Variants in NFIX observed in about 807,000 individuals in gnomAD.
The protein encoded by NFIX is nuclear factor 1 X-type.
NFIX carries 2 observed loss-of-function variants against 53.3 expected under a neutral mutation model. The ratio of observed to expected loss-of-function variants is 0.04; its 90% confidence interval spans 0.02 to 0.12. The LOEUF (loss-of-function observed/expected upper bound fraction) is 0.12, where lower values mean the gene tolerates loss of function less well. Among genes scored for constraint, NFIX ranks in the 10% least tolerant of loss-of-function variants. The probability of loss-of-function intolerance (pLI) is 1.00; values close to 1 mark genes in which losing one functional copy is unlikely to be tolerated. For missense variants in NFIX, 310 were observed against 674.5 expected (o/e 0.46, Z 5.99); for synonymous variants, 244 against 289.0 (o/e 0.84, Z 1.58).
In NFIX at chr19:13,084,646, A is replaced by G. The variant is rs188628860; in HGVS notation, c.1254+2791A>G. Reference sequence around the variant, plus strand: ...TTCAGGGAGAAGGAAGAGACTGCCAAGTGAACATGATGGAGAAATCACAGG... The same window carrying G: ...TTCAGGGAGAAGGAAGAGACTGCCAGGTGAACATGATGGAGAAATCACAGG... On this transcript the variant is annotated intron_variant, in intron 8 of 10. Coordinates refer to ENST00000592199, the MANE Select transcript of NFIX (RefSeq NM_001365902.3). 4.6e-5 allele frequency among the ~76,000 whole-genome samples: 7 copies of G among 152,236 alleles called. No individual in the cohort carries two copies. In the East Asian group the frequency reaches 1.2e-3, roughly 25 times the overall value.
chr19:13,019,404 G>A (rs1379769898), intron 1 of NFIX, among the ~76,000 whole-genome samples: 2 of 152,156 alleles, frequency 1.3e-5, no homozygotes, highest in African/African-American at 4.8e-5. Context: ...TCATGGAGAA[G>A]CAGTCATTTT....
At chr19:13,038,726 A>G (rs2014391375) in intron 2 of NFIX, among the ~76,000 whole-genome samples, 2 of 152,206 alleles carry the variant, frequency 1.3e-5, no homozygotes, top group South Asian at 2.1e-4. Flanking sequence ...GACCACATGC[A>G]TAGCGTGGCC....
At chr19:12,999,137 G>T (rs1187345962) in intron 1 of NFIX, among the ~76,000 whole-genome samples, 1 of 151,760 alleles carries the variant, frequency 6.6e-6, no homozygotes, top group East Asian at 1.9e-4. Flanking sequence ...TAATGCAGTT[G>T]GCTCGCTCAG....
rs2018555788 is a variant in NFIX at position 13,097,875 on chromosome 19, CG to C, written c.*3230del. The C allele has an allele frequency of 6.6e-6, 1 of 152,520 alleles. No individual in the cohort carries two copies. The allele number at this position is 152,520 out of a possible 1,614,324, so 9.4% of individuals were successfully genotyped here. ...CTCTCATCCTATCCCCGACCCCCTCCGGGGAACACCGGGAAGGCTCGACGCT... is the reference window on the plus strand; with the variant it reads ...CTCTCATCCTATCCCCGACCCCCTCCGGGAACACCGGGAAGGCTCGACGCT... On this transcript the variant is annotated 3_prime_UTR_variant, in exon 11 of 11. Transcript: ENST00000592199.
intron 2 of NFIX, among the ~76,000 whole-genome samples, chr19:13,065,136 TG>T (rs1269440621): frequency 6.6e-6 from 1 of 152,036 alleles, no homozygotes; most frequent in Non-Finnish European, 1.5e-5. Flanking sequence ...CCCTCTGTGC[TG>T]GGGCAAGGCC....
intron 2 of NFIX, among the ~76,000 whole-genome samples, chr19:13,050,184 T>C (rs1271307488): frequency 1.3e-5 from 2 of 152,252 alleles, no homozygotes; most frequent in African/African-American, 4.8e-5. Flanking sequence ...GGGCCCCTGC[T>C]GACCCTTCCA....
At position 13,031,495 on chromosome 19, in the gene NFIX, A is replaced by C. The variant is rs190567762; in HGVS notation, c.559+5943A>C. Among the ~76,000 whole-genome samples the C allele has an allele frequency of 6.4e-4, 98 of 152,312 alleles. No individual in the cohort carries two copies. The South Asian group carries it at 7.9e-3, about 12-fold the overall frequency. ...TTTTGGCGCTTCCAAAGCATGGTAGAATTCCCTTTATCCATGAAATGCACA... is the reference window on the plus strand; with the variant it reads ...TTTTGGCGCTTCCAAAGCATGGTAGCATTCCCTTTATCCATGAAATGCACA... On this transcript the variant is annotated intron_variant, in intron 2 of 10. Transcript: ENST00000592199.
chr19:13,087,885 C>T (rs573919061), intron 8 of NFIX, 104 bp from the exon 9 acceptor site: 1 of 1,382,100 alleles, frequency 7.2e-7, no homozygotes, highest in African/African-American at 1.4e-5. Flanking sequence ...GGATCTTCCA[C>T]CGGGAGCGCC....
In NFIX at chr19:13,073,651, A is replaced by G. The variant is rs540616119; in HGVS notation, c.697+155A>G. ...CTTCACTGGTGCTGGGCTGGGTACA[A>G]TAGAGTCTTCCAGAGAGGCCTGTCT... On this transcript the variant is annotated intron_variant, in intron 4 of 10. Transcript: ENST00000592199. The surrounding 1 kb of genome is among the most constrained non-coding windows in gnomAD (Gnocchi z 4.5). Among the ~76,000 whole-genome samples the G allele has an allele frequency of 5.9e-5, 9 of 152,106 alleles. No individual in the cohort carries two copies. The highest frequency in any genetic ancestry group is 1.2e-4 in the Non-Finnish European group (8 of 68,008).
At chr19:13,084,757 G>A (rs1052230550) in intron 8 of NFIX, among the ~76,000 whole-genome samples, 5 of 152,068 alleles carry the variant, frequency 3.3e-5, no homozygotes, top group Non-Finnish European at 7.4e-5. Context: ...CCAGGCCCAC[G>A]TGTTTATCTG....
rs2017980358 is a variant in NFIX, at chr19:13,089,081, C to T, written c.1402+945C>T. Among the ~76,000 whole-genome samples, 1 of 152,110 alleles carries T rather than the reference C, an allele frequency of 6.6e-6. No homozygotes were observed. Among genetic ancestry groups the T allele is most frequent in the Non-Finnish European group, 1.5e-5 (1 of 68,006 alleles). On this transcript the variant is annotated intron_variant, in intron 9 of 10. Coordinates refer to ENST00000592199, the MANE Select transcript of NFIX (RefSeq NM_001365902.3). This position sits in a 1 kb window ranked among gnomAD's most constrained non-coding sequence, Gnocchi z 4.8. ...ACTGCTCTCCGCTCGCTTTGTCTCT[C>T]CTCCTTTCTCGTGGTTTGAGTTCTT...
At position 13,067,504 on chromosome 19, in the gene NFIX, GTA is replaced by G. The variant is rs1191039530; in HGVS notation, c.560-5541_560-5540del. On this transcript the variant is annotated intron_variant, in intron 2 of 10. Transcript: ENST00000592199. The surrounding 1 kb of genome is among the most constrained non-coding windows in gnomAD (Gnocchi z 4.2). Reference sequence around the variant, plus strand: ...TGTGCGTGTGTGTGTGTGTGTGTGTGTATGTGTGTGTCTGAGTCTGAGCATAT... The same window carrying G: ...TGTGCGTGTGTGTGTGTGTGTGTGTGTGTGTGTGTCTGAGTCTGAGCATAT... Among the ~76,000 whole-genome samples the G allele has an allele frequency of 2.9e-4, 39 of 133,824 alleles. No individual in the cohort carries two copies. The highest frequency in any genetic ancestry group is 6.1e-4 in the Non-Finnish European group (37 of 60,348). The allele number at this position is 133,824 out of a possible 152,430, so 87.8% of individuals were successfully genotyped here. A position where few individuals can be genotyped will look rare whatever the true frequency, so the allele number is the denominator to read the frequency against.
At chr19:12,997,704 C>T (rs557187080) in intron 1 of NFIX, among the ~76,000 whole-genome samples, 8 of 152,138 alleles carry the variant, frequency 5.3e-5, no homozygotes, top group East Asian at 1.9e-4. Context: ...ATGCCAAGCA[C>T]GCCAGACATC....
At chr19:13,000,151 C>G (rs900880305) in intron 1 of NFIX, among the ~76,000 whole-genome samples, 6 of 152,138 alleles carry the variant, frequency 3.9e-5, no homozygotes, top group African/African-American at 1.4e-4. Flanking sequence ...GAAATGGGTT[C>G]GAGCTCCAGC....
intron 2 of NFIX, among the ~76,000 whole-genome samples, chr19:13,031,189 C>T (rs1438895722): frequency 1.3e-5 from 2 of 152,232 alleles, no homozygotes; most frequent in African/African-American, 4.8e-5. Context: ...CAAGAGCTCC[C>T]ATTGCCTACA....
At chr19:13,024,971 C>T (rs1280575187) in intron 1 of NFIX, 50 bp from the exon 2 acceptor site, 1 of 1,553,074 alleles carries the variant, frequency 6.4e-7, no homozygotes, top group East Asian at 2.4e-5. Flanking sequence ...CCCGTCTTCC[C>T]CTCCTCCCGT....
intron 5 of NFIX, among the ~76,000 whole-genome samples, chr19:13,074,707 T>C: frequency 6.6e-6 from 1 of 150,534 alleles, no homozygotes; most frequent in Admixed American, 6.6e-5. Flanking sequence ...CACTCCACTT[T>C]TTTTTTTTTT....
chr19:13,092,014 G>A (rs1174780247), intron 10 of NFIX, among the ~76,000 whole-genome samples: 1 of 152,328 alleles, frequency 6.6e-6, no homozygotes, highest in African/African-American at 2.4e-5. Context: ...GGGGGTCCAG[G>A]GCCCCTGAGC....
chr19:13,070,570 CT>C, intron 2 of NFIX: 1 of 152,644 alleles, frequency 6.6e-6, no homozygotes, highest in Non-Finnish European at 1.5e-5. Flanking sequence ...ATGTCTCTGC[CT>C]TTTGTCCTGG....
Sources: allele counts gnomAD v4.1 joint callset (sites outside exome capture counted in the v4.1 genomes callset), GRCh38; gene constraint gnomAD v4.1.1; non-coding constraint Gnocchi (gnomAD v3.1); transcripts MANE v1.5; gene names NCBI Gene and HGNC (gene_info 2026-07-23, HGNC 2026-07-21).